Variants in SEMA5A observed in about 807,000 individuals in gnomAD.
SEMA5A encodes semaphorin-5A.
A neutral mutation model predicts 135.5 loss-of-function variants in SEMA5A; 55 were observed. That is an observed-to-expected ratio of 0.41 (90% CI 0.33 to 0.51). The LOEUF (loss-of-function observed/expected upper bound fraction) is 0.51, where lower values mean the gene tolerates loss of function less well. Ranked by LOEUF, SEMA5A falls within the 20% of genes least tolerant of loss-of-function variation. The probability of loss-of-function intolerance (pLI) is 0.37; values close to 1 mark genes in which losing one functional copy is unlikely to be tolerated. For synonymous variants in SEMA5A, 580 were observed against 546.5 expected (o/e 1.06, Z -0.85); for missense variants, 1,290 against 1,419.9 (o/e 0.91, Z 1.47).
At chr5:9,190,581 A>G (rs1217860178) in intron 10 of SEMA5A, 110 bp from the exon 11 acceptor site, 18 of 946,952 alleles carry the variant, frequency 1.9e-5, no homozygotes, top group Admixed American at 8.0e-5. Flanking sequence ...GCCACAATCC[A>G]TCATTGAAGT....
intron 5 of SEMA5A, among the ~76,000 whole-genome samples, chr5:9,291,044 C>T (rs1751050310): frequency 6.6e-6 from 1 of 152,158 alleles, no homozygotes; most frequent in African/African-American, 2.4e-5. Context: ...GTACATTTTA[C>T]ATTGCTGTGG....
chr5:9,340,391 T>C (rs113786124), intron 3 of SEMA5A, among the ~76,000 whole-genome samples: 3,519 of 152,212 alleles, frequency 0.023, 127 homozygotes, highest in African/African-American at 0.079. Context: ...GATGAGCCTC[T>C]AAGAGGAAAA....
chr5:9,200,194 C>A (rs979990923), intron 9 of SEMA5A, among the ~76,000 whole-genome samples: 2 of 152,226 alleles, frequency 1.3e-5, no homozygotes, highest in Non-Finnish European at 2.9e-5. Context: ...GCACTTCTAT[C>A]TCTAAAAGTA....
At chr5:9,266,266 G>C (rs1357401680) in intron 5 of SEMA5A, among the ~76,000 whole-genome samples, 1 of 152,146 alleles carries the variant, frequency 6.6e-6, no homozygotes, top group Non-Finnish European at 1.5e-5. Context: ...GAGTTATCCA[G>C]GGCACATTTT....
intron 22 of SEMA5A, chr5:9,043,223 T>TA (rs1158778587): frequency 1.5e-5 from 7 of 467,762 alleles, no homozygotes; most frequent in Non-Finnish European, 2.2e-5. Context: ...CAGTTTGTGA[T>TA]ATCTTCTGGT....
intron 1 of SEMA5A, among the ~76,000 whole-genome samples, chr5:9,486,073 T>C (rs1734702105): frequency 6.6e-6 from 1 of 152,024 alleles, no homozygotes; most frequent in South Asian, 2.1e-4. Flanking sequence ...ATCTACACCA[T>C]GGAATACTAT....
chr5:9,327,348 G>C (rs1346215859), intron 4 of SEMA5A, among the ~76,000 whole-genome samples: 1 of 151,986 alleles, frequency 6.6e-6, no homozygotes, highest in African/African-American at 2.4e-5. Flanking sequence ...TTTAATTTTT[G>C]TTGCTGTTAA....
chr5:9,284,554 G>T (rs1465041323), intron 5 of SEMA5A, among the ~76,000 whole-genome samples: 1 of 152,078 alleles, frequency 6.6e-6, no homozygotes, highest in Non-Finnish European at 1.5e-5. Context: ...GGATTGGGCT[G>T]ATTCAAATTC....
At chr5:9,162,993 T>C (rs1743377565) in intron 11 of SEMA5A, among the ~76,000 whole-genome samples, 1 of 152,142 alleles carries the variant, frequency 6.6e-6, no homozygotes. Flanking sequence ...GCCTCAGTAA[T>C]AGTATAGATT....
chr5:9,489,702 C>G (rs813717), intron 1 of SEMA5A, among the ~76,000 whole-genome samples: 147,367 of 152,276 alleles, frequency 0.97, 71,569 homozygotes, highest in Non-Finnish European at 0.99. Flanking sequence ...TTGGAGGCTA[C>G]GAGTGGCTCT....
rs111657808 is a variant in SEMA5A, at chr5:9,204,221, G to A, written c.647-1981C>T. Among the ~76,000 whole-genome samples, 342 of 152,248 alleles carry A rather than the reference G, an allele frequency of 2.2e-3. No individual in the cohort carries two copies. The highest frequency in any genetic ancestry group is 8.0e-3 in the African/African-American group (331 of 41,542). On this transcript the variant is annotated intron_variant, in intron 8 of 22. Coordinates refer to ENST00000382496, the MANE Select transcript of SEMA5A (RefSeq NM_003966.3). This position sits in a 1 kb window ranked among gnomAD's most constrained non-coding sequence, Gnocchi z 6.4. ...ACAACAACAACAAAAACAGCAACAAGCAACCCTTCCTAAAATGTGGAAAAC... is the reference window on the plus strand; with the variant it reads ...ACAACAACAACAAAAACAGCAACAAACAACCCTTCCTAAAATGTGGAAAAC...
chr5:9,518,284 T>TA (rs796806710), intron 1 of SEMA5A, among the ~76,000 whole-genome samples: 1 of 152,202 alleles, frequency 6.6e-6, no homozygotes, highest in African/African-American at 2.4e-5. Context: ...GTCCTGATGA[T>TA]AAAATGGGCC....
chr5:9,477,908 A>G (rs1036373750), intron 1 of SEMA5A, among the ~76,000 whole-genome samples: 1 of 152,224 alleles, frequency 6.6e-6, no homozygotes, highest in Non-Finnish European at 1.5e-5. Flanking sequence ...AAACGTCTCC[A>G]AGGCATTTCA....
intron 3 of SEMA5A, among the ~76,000 whole-genome samples, chr5:9,370,501 T>C (rs1187393489): frequency 6.6e-6 from 1 of 152,150 alleles, no homozygotes; most frequent in Non-Finnish European, 1.5e-5. Context: ...ACATGTGTGA[T>C]TAGACTTGCC....
intron 5 of SEMA5A, among the ~76,000 whole-genome samples, chr5:9,279,860 A>T (rs1750453126): frequency 6.6e-6 from 1 of 152,184 alleles, no homozygotes; most frequent in Non-Finnish European, 1.5e-5. Context: ...AGCCCATGGA[A>T]CTATGAGTCA....
At chr5:9,489,389 C>T (rs1443202333) in intron 1 of SEMA5A, among the ~76,000 whole-genome samples, 7 of 152,044 alleles carry the variant, frequency 4.6e-5, no homozygotes, top group East Asian at 1.9e-4. Context: ...TTCCATAAAA[C>T]GCATACCTTT....
At chr5:9,295,774 G>A (rs565868012) in intron 5 of SEMA5A, among the ~76,000 whole-genome samples, 3 of 152,240 alleles carry the variant, frequency 2.0e-5, no homozygotes, top group Admixed American at 6.5e-5. Flanking sequence ...TTACCATAAA[G>A]CTGGATATAA....
chr5:9,141,414 T>C (rs1742057962), intron 12 of SEMA5A, among the ~76,000 whole-genome samples: 1 of 152,210 alleles, frequency 6.6e-6, no homozygotes, highest in Non-Finnish European at 1.5e-5. Flanking sequence ...CATAAATATA[T>C]TCTGTTCAAA....
At chr5:9,538,287 C>T (rs151127397) in intron 1 of SEMA5A, among the ~76,000 whole-genome samples, 3 of 145,062 alleles carry the variant, frequency 2.1e-5, no homozygotes, top group Non-Finnish European at 4.5e-5. Flanking sequence ...GGGAGGTGCG[C>T]GGGGTGGGAA....
Sources: gnomAD v4.1 joint callset for allele counts (sites outside exome capture counted in the v4.1 genomes callset) on GRCh38, gnomAD v4.1.1 for gene constraint, Gnocchi (gnomAD v3.1) non-coding constraint, MANE v1.5 for transcripts, NCBI Gene and HGNC (gene_info 2026-07-23, HGNC 2026-07-21) for gene names.